ZC3H7B: variants seen among roughly 807,000 people sequenced by gnomAD.
ZC3H7B encodes zinc finger CCCH domain-containing protein 7B.
Under a neutral mutation model 116.0 loss-of-function variants are expected in ZC3H7B, and 35 were observed. The ratio of observed to expected loss-of-function variants is 0.30; its 90% CI spans 0.23 to 0.40. The LOEUF is 0.40. Ranked by LOEUF, ZC3H7B falls within the 10% of genes least tolerant of loss-of-function variation. The probability of loss-of-function intolerance (pLI) is 1.00; values close to 1 mark genes in which losing one functional copy is unlikely to be tolerated. For synonymous variants in ZC3H7B, 502 were observed against 545.6 expected (o/e 0.92, Z 1.11); for missense variants, 1,011 against 1,321.5 (o/e 0.77, Z 3.64).
rs1296313267 is a variant in ZC3H7B, at chr22:41,349,721, GA to G, written c.1948+422del. Among the ~76,000 whole-genome samples, 1 of 152,180 alleles carries G rather than the reference GA, an allele frequency of 6.6e-6. No homozygotes were observed. The highest frequency in any genetic ancestry group is 2.4e-5 in the African/African-American group (1 of 41,434). ...CCTCACAGAGCTGCTGCGGGGATTGGAAGGTGTTCTCCACTCACCCACCAGG... is the reference window on the plus strand; with the variant it reads ...CCTCACAGAGCTGCTGCGGGGATTGGAGGTGTTCTCCACTCACCCACCAGG... On this transcript the variant is annotated intron_variant, in intron 16 of 22. Coordinates refer to ENST00000352645, the MANE Select transcript of ZC3H7B (RefSeq NM_017590.6). This position sits in a 1 kb window ranked among gnomAD's most constrained non-coding sequence, Gnocchi z 4.9.
intron 2 of ZC3H7B, among the ~76,000 whole-genome samples, chr22:41,323,928 G>T (rs554329537): frequency 6.6e-6 from 1 of 152,176 alleles, no homozygotes; most frequent in Non-Finnish European, 1.5e-5. Flanking sequence ...AAATTAGCCA[G>T]GCGTGGTGGC....
At chr22:41,321,474 C>T (rs1194382948) in intron 2 of ZC3H7B, among the ~76,000 whole-genome samples, 1 of 152,094 alleles carries the variant, frequency 6.6e-6, no homozygotes, top group East Asian at 1.9e-4. Context: ...CTCGGCCTCC[C>T]AAAGTGCTGG....
rs1281306650 is a variant in ZC3H7B, at chr22:41,341,100, C to T, written c.1151C>T (p.Ser384Leu). The T allele has an allele frequency of 2.5e-6, 4 of 1,613,780 alleles. No individual in the cohort carries two copies. The highest frequency in any genetic ancestry group is 1.7e-5 in the Admixed American group (1 of 59,974). Reference sequence around the variant, plus strand: ...TCTCCCTGCCCAGAGGAGACCAACTCACAGGACCACCGTCCCCCTAGCGGT... The same window carrying T: ...TCTCCCTGCCCAGAGGAGACCAACTTACAGGACCACCGTCCCCCTAGCGGT... ...KPDSFMEETNSQDHRPPSGAQ... is the reference protein window; with the variant it reads ...KPDSFMEETNLQDHRPPSGAQ... Residue 384 changes from serine to leucine, a missense_variant, in exon 11 of 23, where the codon TCA (serine) becomes TTA (leucine). By Grantham distance (145) the Ser-to-Leu change is moderately radical. Coordinates refer to ENST00000352645, the MANE Select transcript of ZC3H7B (RefSeq NM_017590.6).
chr22:41,341,168 C>A (rs780014963), intron 11 of ZC3H7B, 22 bp downstream of exon 11: 29 of 1,613,478 alleles, frequency 1.8e-5, no homozygotes, highest in South Asian at 1.6e-4. Context: ...GAGTGGGGAT[C>A]CAGGCCTCTC....
chr22:41,329,556 G>C (rs996186420), intron 5 of ZC3H7B, among the ~76,000 whole-genome samples: 1 of 152,112 alleles, frequency 6.6e-6, no homozygotes, highest in African/African-American at 2.4e-5. Flanking sequence ...ACTGTGCCCA[G>C]CCAGAAGTAA....
Position 41,356,755 on chromosome 22 carries a change from C to T in ZC3H7B, c.2628C>T (p.Asp876=), listed in dbSNP as rs368670113. ...AGAAGGTCTTCACGTCCGACAGTGA[C>T]GCCAGCGGCTGGGCCTTCCGCTTCC... The part of the protein sequence containing the change: ...HKEKVFTSDS[D]ASGWAFRFPM... The change falls in exon 22 of 23, where the codon GAC becomes GAT. Residue 876 remains aspartate (D), a synonymous_variant. Coordinates refer to ENST00000352645, the MANE Select transcript of ZC3H7B (RefSeq NM_017590.6). 4.5e-5 allele frequency: 72 copies of T among 1,613,490 alleles called. No individual in the cohort carries two copies. The highest frequency in any genetic ancestry group is 6.6e-5 in the South Asian group (6 of 91,088).
intron 2 of ZC3H7B, among the ~76,000 whole-genome samples, chr22:41,324,040 A>AG (rs1233740368): frequency 6.6e-6 from 1 of 152,084 alleles, no homozygotes; most frequent in Non-Finnish European, 1.5e-5. Context: ...ACTGCACTCC[A>AG]GCCTGGGCGA....
rs565547732 is a variant in ZC3H7B at position 41,310,073 on chromosome 22, C to T, written c.-7+8301C>T. Reference sequence around the variant, plus strand: ...ACAAAAAATTAGCCAGGCGTGGTGGCGGGCACCTGTAGTCCCAGCTACTCG... The same window carrying T: ...ACAAAAAATTAGCCAGGCGTGGTGGTGGGCACCTGTAGTCCCAGCTACTCG... On this transcript the variant is annotated intron_variant, in intron 1 of 22. Transcript: ENST00000352645. Among the ~76,000 whole-genome samples, 10 of 152,012 alleles carry T rather than the reference C, an allele frequency of 6.6e-5. No individual in the cohort carries two copies. The East Asian group carries it at 1.2e-3, about 18-fold the overall frequency.
At chr22:41,324,179 G>T (rs1469132708) in intron 2 of ZC3H7B, among the ~76,000 whole-genome samples, 1 of 152,186 alleles carries the variant, frequency 6.6e-6, no homozygotes, top group African/African-American at 2.4e-5. Context: ...GGGGTCTTTA[G>T]TGGGGGCAAC....
At chr22:41,352,879 AC>A (rs1271933233) in intron 17 of ZC3H7B, among the ~76,000 whole-genome samples, 2 of 151,266 alleles carry the variant, frequency 1.3e-5, no homozygotes, top group Non-Finnish European at 2.9e-5. Context: ...GGAGTTTGAG[AC>A]CAGCCTGGCA....
chr22:41,347,286 G>A (rs932520329), intron 14 of ZC3H7B, among the ~76,000 whole-genome samples: 14 of 152,216 alleles, frequency 9.2e-5, no homozygotes, highest in African/African-American at 2.9e-4. Flanking sequence ...CGTCCCAAGC[G>A]CCGTGTCCAC....
At chr22:41,354,758 C>T (rs1281260968) in intron 17 of ZC3H7B, among the ~76,000 whole-genome samples, 2 of 152,140 alleles carry the variant, frequency 1.3e-5, no homozygotes, top group Non-Finnish European at 2.9e-5. Context: ...TCCCGGGGTA[C>T]AGAAGAGCAG....
At chr22:41,335,975 C>T (rs1306110942) in intron 7 of ZC3H7B, 1 of 153,552 alleles carries the variant, frequency 6.5e-6, no homozygotes, top group Non-Finnish European at 1.4e-5. Flanking sequence ...GCTGCTGGTC[C>T]TGTGGCTGCT....
chr22:41,305,128 C>T (rs551834766), intron 1 of ZC3H7B, among the ~76,000 whole-genome samples: 2 of 152,220 alleles, frequency 1.3e-5, no homozygotes, highest in East Asian at 1.9e-4. Context: ...GGGTGGATCA[C>T]GAGGTCAAGA....
In ZC3H7B at chr22:41,348,448, G is replaced by T. The variant is rs537440163; in HGVS notation, c.1766+281G>T. ...CTGTTGTACAGAACAAAAAGCTGAG[G>T]CTTGGAAGTAGCTTACTTAGCTTAC... On this transcript the variant is annotated intron_variant, in intron 15 of 22. Coordinates refer to ENST00000352645, the MANE Select transcript of ZC3H7B (RefSeq NM_017590.6). Among the ~76,000 whole-genome samples the T allele has an allele frequency of 3.3e-5, 5 of 152,334 alleles. No individual in the cohort carries two copies. In the South Asian group the frequency reaches 8.3e-4, roughly 25 times the overall value.
chr22:41,332,683 G>T (rs976877018), intron 7 of ZC3H7B: 2 of 157,982 alleles, frequency 1.3e-5, no homozygotes, highest in Non-Finnish European at 2.8e-5. Context: ...CCCTGGCTCA[G>T]TGACTCTGCT....
chr22:41,331,027 G>A (rs9611556), intron 6 of ZC3H7B, among the ~76,000 whole-genome samples: 31,629 of 143,696 alleles, frequency 0.22, 4,561 homozygotes, highest in Admixed American at 0.46. Context: ...CCGCCACCAC[G>A]CCCGGCTAAT....
At position 41,325,865 on chromosome 22, in the gene ZC3H7B, C is replaced by T. The variant is rs756992805; in HGVS notation, c.232C>T (p.Arg78Trp). 8.1e-6 allele frequency: 13 copies of T among 1,611,820 alleles called. No individual in the cohort carries two copies. Among genetic ancestry groups the T allele is most frequent in the Middle Eastern group, 3.8e-4 (2 of 5,200 alleles). Residue 78 changes from arginine (R) to tryptophan (W), a missense_variant, in exon 4 of 23, where the codon CGG becomes TGG. Around this residue, in one of 5 missense-constraint regions of ZC3H7B, gnomAD observed 322 missense variants for 443.9 expected, o/e 0.73. Transcript: ENST00000352645. ...YAASDQVALP[R>W]ELLCKLHVNR... ...TGCCTCTGACCAGGTGGCCCTGCCC[C>T]GGGAGCTGCTGTGCAAGCTGCATGT...
chr22:41,325,663 C>T (rs371541492), intron 3 of ZC3H7B, 58 bp from the exon 4 acceptor site: 34 of 1,607,526 alleles, frequency 2.1e-5, no homozygotes, highest in South Asian at 6.7e-5. Context: ...AGGCGTGGGC[C>T]GGGTGCCAGA....
Sources: allele counts gnomAD v4.1 joint callset (sites outside exome capture counted in the v4.1 genomes callset), GRCh38; gene constraint gnomAD v4.1.1; regional missense constraint gnomAD v4.1.1; non-coding constraint Gnocchi (gnomAD v3.1); transcripts MANE v1.5; gene names NCBI Gene and HGNC (gene_info 2026-07-23, HGNC 2026-07-21).